Variants in APAF1 observed in about 807,000 individuals in gnomAD.
APAF1 encodes the protein apoptotic protease-activating factor 1.
APAF1 carries 91 observed loss-of-function variants against 152.4 expected under a neutral mutation model. The observed-to-expected ratio is 0.60, with a 90% CI of 0.50 to 0.71. The LOEUF (loss-of-function observed/expected upper bound fraction) is 0.71, where lower values mean the gene tolerates loss of function less well. APAF1 is among the 30% of genes least tolerant of loss of function. The pLI is 0.00. For synonymous variants in APAF1, 484 were observed against 494.1 expected (o/e 0.98, Z 0.27); for missense variants, 1,283 against 1,472.0 (o/e 0.87, Z 2.10).
rs1431139893 is a variant in APAF1, at chr12:98,665,406, AGAAGT to A, written c.956-141_956-137del. On this transcript the variant is annotated intron_variant, in intron 7 of 26. Transcript: ENST00000551964. ...CTAATTTTTTTTGGGATAAATATCT[AGAAGT>A]GAAGTCAAGAGTGATAAATACTTAA... is the stretch of plus-strand genomic sequence containing the variant. 3 of 684,528 alleles carry A rather than the reference AGAAGT, an allele frequency of 4.4e-6. No homozygotes were observed. The East Asian group carries it at 7.6e-5, about 17-fold the overall frequency. The allele number at this position is 684,528 out of a possible 1,614,324, so 42.4% of individuals were successfully genotyped here.
At chr12:98,683,663 C>G (rs1283156227) in intron 15 of APAF1, among the ~76,000 whole-genome samples, 3 of 152,168 alleles carry the variant, frequency 2.0e-5, no homozygotes, top group Non-Finnish European at 4.4e-5. Context: ...ACCCATAGAT[C>G]TAATTTTAGA....
chr12:98,684,747 T>A (rs2153325854), intron 15 of APAF1, among the ~76,000 whole-genome samples: 1 of 152,048 alleles, frequency 6.6e-6, no homozygotes, highest in Non-Finnish European at 1.5e-5. Flanking sequence ...TAAAAAAAAA[T>A]AAGACTGTTA....
chr12:98,689,099 G>A (rs1412341310), intron 16 of APAF1, among the ~76,000 whole-genome samples: 3 of 152,116 alleles, frequency 2.0e-5, no homozygotes, highest in Non-Finnish European at 4.4e-5. Flanking sequence ...ATAGGAGTGA[G>A]CCACTGCATC....
chr12:98,693,690 G>GTAA (rs796432759), intron 16 of APAF1, among the ~76,000 whole-genome samples: 14 of 152,044 alleles, frequency 9.2e-5, no homozygotes, highest in African/African-American at 3.1e-4. Flanking sequence ...GTCGGTAATG[G>GTAA]TAATACTATT....
intron 5 of APAF1, among the ~76,000 whole-genome samples, chr12:98,661,454 C>A (rs1394719006): frequency 6.6e-6 from 1 of 151,896 alleles, no homozygotes; most frequent in Non-Finnish European, 1.5e-5. Context: ...ATGTATGTGC[C>A]TAGAGTATTT....
chr12:98,667,670 T>G (rs2097674818), intron 10 of APAF1, 26 bp downstream of exon 10: 1 of 1,610,076 alleles, frequency 6.2e-7, no homozygotes, highest in African/African-American at 1.3e-5. Context: ...TAAAAATTCT[T>G]TTATCTGACT....
chr12:98,681,480 A>G (rs1258820137), intron 14 of APAF1, among the ~76,000 whole-genome samples: 2 of 152,168 alleles, frequency 1.3e-5, no homozygotes, highest in Non-Finnish European at 2.9e-5. Flanking sequence ...GTTATCACTG[A>G]TATATGGAAG....
intron 8 of APAF1, 65 bp downstream of exon 8, chr12:98,665,856 G>A: frequency 1.5e-6 from 2 of 1,362,238 alleles, no homozygotes; most frequent in Non-Finnish European, 2.1e-6. Context: ...ATAGTACTGA[G>A]CATGTTGTTA....
chr12:98,732,338 A>G, intron 26 of APAF1, 82 bp from the exon 27 acceptor site: 1 of 1,258,832 alleles, frequency 7.9e-7, no homozygotes, highest in Non-Finnish European at 1.2e-6. Context: ...GGGAGGAGAT[A>G]GGGTAAAGGA....
At chr12:98,716,733 TTTGA>T (rs2097735135) in intron 22 of APAF1, among the ~76,000 whole-genome samples, 1 of 152,244 alleles carries the variant, frequency 6.6e-6, no homozygotes, top group Non-Finnish European at 1.5e-5. Context: ...GAATTATTTC[TTTGA>T]TTCTTTCCTT....
Position 98,715,158 on chromosome 12 carries a change from C to G in APAF1, c.2959-269C>G, listed in dbSNP as rs145403822. Reference sequence around the variant, plus strand: ...TGAGTACTCAGAAGGACCACTGGTTCCTACTGCTGTCTGATGATTGCAGTG... The same window carrying G: ...TGAGTACTCAGAAGGACCACTGGTTGCTACTGCTGTCTGATGATTGCAGTG... On this transcript the variant is annotated intron_variant, in intron 21 of 26. Transcript: ENST00000551964. 3.0e-3 allele frequency among the ~76,000 whole-genome samples: 412 copies of G among 135,892 alleles called. 5 individuals are homozygous for G. Among genetic ancestry groups the G allele is most frequent in the African/African-American group, 0.011 (391 of 36,094 alleles). The allele number at this position is 135,892 out of a possible 152,430, so 89.2% of individuals were successfully genotyped here.
At chr12:98,647,763 A>T (rs1370683489) in intron 1 of APAF1, among the ~76,000 whole-genome samples, 2 of 147,214 alleles carry the variant, frequency 1.4e-5, no homozygotes, top group Non-Finnish European at 1.5e-5. Flanking sequence ...ATGTCAATAC[A>T]TGGAGATATG....
Position 98,659,156 on chromosome 12 carries a change from C to T in APAF1, c.527-4C>T, listed in dbSNP as rs1276481031. On this transcript the variant is annotated splice_polypyrimidine_tract_variant and splice_region_variant and intron_variant, in intron 4 of 26. Coordinates refer to ENST00000551964, the MANE Select transcript of APAF1 (RefSeq NM_181861.2). Reference sequence around the variant, plus strand: ...CTTAAGTTCATTATTCTTTCCCTCACTAGGTTGTTTCCCAGGGGGAGTGCA... The same window carrying T: ...CTTAAGTTCATTATTCTTTCCCTCATTAGGTTGTTTCCCAGGGGGAGTGCA... 4 of 1,613,976 alleles carry T rather than the reference C, an allele frequency of 2.5e-6. No individual in the cohort carries two copies. In the African/African-American group the frequency reaches 4.0e-5, roughly 16 times the overall value.
intron 15 of APAF1, 21 bp from the exon 16 acceptor site, chr12:98,686,717 GTTTATTTATC>G (rs769828620): frequency 4.4e-6 from 7 of 1,604,062 alleles, no homozygotes; most frequent in Non-Finnish European, 6.0e-6. Context: ...AATACTAGTT[GTTTATTTATC>G]TTTTTTTCTT....
At chr12:98,682,843 C>A (rs1315506208) in intron 14 of APAF1, among the ~76,000 whole-genome samples, 1 of 152,142 alleles carries the variant, frequency 6.6e-6, no homozygotes, top group Non-Finnish European at 1.5e-5. Flanking sequence ...CACTTCTCTG[C>A]CTGCTTTCAT....
intron 26 of APAF1, among the ~76,000 whole-genome samples, chr12:98,731,314 C>T (rs2097761009): frequency 6.6e-6 from 1 of 152,152 alleles, no homozygotes; most frequent in Non-Finnish European, 1.5e-5. Flanking sequence ...TCCACATTGA[C>T]ACATCATTAT....
chr12:98,715,309 G>C, intron 21 of APAF1, 118 bp from the exon 22 acceptor site: 1 of 573,032 alleles, frequency 1.7e-6, no homozygotes, highest in South Asian at 1.8e-5. Context: ...AATTAGGCTG[G>C]AAGCACCAGA....
At chr12:98,718,197 CTT>C (rs2097737211) in intron 22 of APAF1, among the ~76,000 whole-genome samples, 2 of 151,986 alleles carry the variant, frequency 1.3e-5, no homozygotes, top group Admixed American at 1.3e-4. Context: ...CCCATAGTAA[CTT>C]TGGGATTCAA....
Position 98,680,223 on chromosome 12 carries a change from T to C in APAF1, c.1921-54T>C, listed in dbSNP as rs1026217426. The stretch of plus-strand genomic sequence containing the variant: ...TCACTTAAAGATTTTTATTGAATGA[T>C]GACCAGTAGTTAAGCAGTTTATTAT... On this transcript the variant is annotated intron_variant, in intron 13 of 26. Coordinates refer to ENST00000551964, the MANE Select transcript of APAF1 (RefSeq NM_181861.2). 19 of 1,512,554 alleles carry C rather than the reference T, an allele frequency of 1.3e-5. No homozygotes were observed. The African/African-American group carries it at 1.5e-4, about 12-fold the overall frequency. 93.7% of individuals were successfully genotyped at this position (1,512,554 alleles called of 1,614,324 possible).
Sources: gnomAD v4.1 joint callset for allele counts (sites outside exome capture counted in the v4.1 genomes callset) on GRCh38, gnomAD v4.1.1 for gene constraint, MANE v1.5 for transcripts, NCBI Gene and HGNC (gene_info 2026-07-23, HGNC 2026-07-21) for gene names.